The following DOCK5 variants were observed in gnomAD, a reference collection of about 807,000 sequenced individuals.
DOCK5 encodes the protein dedicator of cytokinesis protein 5.
A neutral mutation model predicts 251.8 loss-of-function variants in DOCK5; 142 were observed. The observed-to-expected ratio is 0.56, with a 90% CI of 0.49 to 0.65. The LOEUF (loss-of-function observed/expected upper bound fraction) is 0.65, where lower values mean the gene tolerates loss of function less well. DOCK5 is among the 30% of genes least tolerant of loss of function. DOCK5 has a pLI of 0.00. For synonymous variants in DOCK5, 842 were observed against 835.5 expected (o/e 1.01, Z -0.13); for missense variants, 2,111 against 2,312.3 (o/e 0.91, Z 1.79).
chr8:25,298,907 A>T (rs1428617284), intron 7 of DOCK5, 37 bp from the exon 8 acceptor site: 1 of 1,554,034 alleles, frequency 6.4e-7, no homozygotes, highest in Non-Finnish European at 8.7e-7. Flanking sequence ...CCATTTGCCA[A>T]AATCAAGATG....
intron 15 of DOCK5, among the ~76,000 whole-genome samples, chr8:25,320,141 A>G (rs1264811201): frequency 1.3e-5 from 2 of 152,320 alleles, no homozygotes; most frequent in African/African-American, 2.4e-5. Flanking sequence ...CTTTCATATT[A>G]GGTACTGAAG....
intron 39 of DOCK5, among the ~76,000 whole-genome samples, chr8:25,380,820 T>C (rs545527937): frequency 1.2e-4 from 18 of 150,052 alleles, no homozygotes; most frequent in African/African-American, 2.7e-4. Flanking sequence ...TTCTGAAAGC[T>C]CAGTGGAGGC....
In DOCK5 at chr8:25,345,492, C is replaced by T. The variant is rs766344536; in HGVS notation, c.2635C>T (p.Leu879=). 1.2e-6 allele frequency: 2 copies of T among 1,613,808 alleles called. No homozygotes were observed. Among genetic ancestry groups the T allele is most frequent in the Admixed American group, 1.7e-5 (1 of 60,020 alleles). The change falls in exon 26 of 52, where the codon CTG becomes TTG. Residue 879 remains leucine, a synonymous_variant. Coordinates refer to ENST00000276440, the MANE Select transcript of DOCK5 (RefSeq NM_024940.8). The part of the protein sequence containing the change: ...FRQSECREVL[L]PLLTDQLSGQ... ...CTTCTCAGAGTGCAGAGAAGTGCTG[C>T]TGCCACTGCTGACAGACCAGCTCAG...
rs1325874331 is a variant in DOCK5, at chr8:25,292,078, G to A, written c.376G>A (p.Glu126Lys). 13 of 1,599,884 alleles carry A rather than the reference G, an allele frequency of 8.1e-6. No individual in the cohort carries two copies. The highest frequency in any genetic ancestry group is 1.3e-5 in the African/African-American group (1 of 74,558). ...QLQQMTYSLI[E>K]WRSQILSGTL... ...GCAGCAGATGACGTACAGCCTGATCGAGTGGCGGTCCCAGATCCTGTCTGG... is the reference window on the plus strand; with the variant it reads ...GCAGCAGATGACGTACAGCCTGATCAAGTGGCGGTCCCAGATCCTGTCTGG... The change falls in exon 6 of 52, where the codon GAG (glutamate) becomes AAG (lysine). Residue 126 changes from glutamate to lysine, a missense_variant. By Grantham distance (56) the Glu-to-Lys change is moderately conservative (BLOSUM62 1). Around this residue, in one of 3 missense-constraint regions of DOCK5, gnomAD observed 335 missense variants for 324.9 expected, o/e 1.03. Transcript: ENST00000276440.
intron 2 of DOCK5, among the ~76,000 whole-genome samples, chr8:25,252,885 G>A (rs983948557): frequency 5.9e-5 from 9 of 152,140 alleles, no homozygotes; most frequent in African/African-American, 2.2e-4. Context: ...AGGCTGGAGT[G>A]CAGTGGTGCA....
At chr8:25,346,041 G>A (rs1286138813) in intron 26 of DOCK5, among the ~76,000 whole-genome samples, 2 of 152,086 alleles carry the variant, frequency 1.3e-5, no homozygotes, top group Non-Finnish European at 2.9e-5. Flanking sequence ...TAGTAGAGAC[G>A]GGGTTTCACT....
At chr8:25,401,830 C>T in intron 47 of DOCK5, among the ~76,000 whole-genome samples, 1 of 152,148 alleles carries the variant, frequency 6.6e-6, no homozygotes. Flanking sequence ...TACATTTTTT[C>T]CTAATCTTAG....
At chr8:25,262,670 T>G (rs1174274659) in intron 2 of DOCK5, among the ~76,000 whole-genome samples, 1 of 152,180 alleles carries the variant, frequency 6.6e-6, no homozygotes, top group African/African-American at 2.4e-5. Flanking sequence ...TTCAGAAGTC[T>G]TTCAACTCTT....
chr8:25,221,598 TGCCCG>T (rs547520759), intron 1 of DOCK5, among the ~76,000 whole-genome samples: 129 of 152,306 alleles, frequency 8.5e-4, no homozygotes, highest in African/African-American at 3.0e-3. Flanking sequence ...TGAGCCACTG[TGCCCG>T]GCCCATTCTG....
At chr8:25,348,212 T>G (rs563964836) in intron 26 of DOCK5, among the ~76,000 whole-genome samples, 4 of 152,332 alleles carry the variant, frequency 2.6e-5, no homozygotes, top group Admixed American at 2.6e-4. Flanking sequence ...GTTTTATTTT[T>G]TTAAACATTG....
At chr8:25,399,677 G>A (rs1192165526) in intron 45 of DOCK5, among the ~76,000 whole-genome samples, 4 of 152,162 alleles carry the variant, frequency 2.6e-5, no homozygotes, top group Non-Finnish European at 2.9e-5. Context: ...GTGGTGGGCT[G>A]GTGACTGTTA....
At chr8:25,248,382 C>T (rs1018239333) in intron 2 of DOCK5, among the ~76,000 whole-genome samples, 22 of 152,258 alleles carry the variant, frequency 1.4e-4, no homozygotes, top group African/African-American at 4.6e-4. Context: ...TCCCTCTTAA[C>T]TTTAGAAAAA....
In DOCK5 at chr8:25,324,012, C is replaced by T. The variant is rs193033867; in HGVS notation, c.1719+61C>T. 6,462 of 1,453,800 alleles carry T rather than the reference C, an allele frequency of 4.4e-3. 51 individuals carry two copies. Among genetic ancestry groups the T allele is most frequent in the Non-Finnish European group, 3.8e-3 (4,067 of 1,081,936 alleles). 90.1% of individuals were successfully genotyped at this position (1,453,800 alleles called of 1,614,324 possible). ...CCTTTCAAATGAGCATTTAAGACTCCTTTCATATTTATTTGTACAAACATC... is the reference window on the plus strand; with the variant it reads ...CCTTTCAAATGAGCATTTAAGACTCTTTTCATATTTATTTGTACAAACATC... On this transcript the variant is annotated intron_variant, in intron 17 of 51. Coordinates refer to ENST00000276440, the MANE Select transcript of DOCK5 (RefSeq NM_024940.8).
chr8:25,309,558 C>G (rs1431819329), intron 12 of DOCK5, among the ~76,000 whole-genome samples: 1 of 152,126 alleles, frequency 6.6e-6, no homozygotes, highest in Admixed American at 6.5e-5. Flanking sequence ...ATAAGTTTAT[C>G]CCATCACATT....
chr8:25,222,294 T>C (rs1447986098), intron 1 of DOCK5, among the ~76,000 whole-genome samples: 1 of 152,196 alleles, frequency 6.6e-6, no homozygotes, highest in Non-Finnish European at 1.5e-5. Flanking sequence ...CAGACCATAC[T>C]CTTGAGGGCC....
At chr8:25,317,918 T>A (rs1437028995) in intron 14 of DOCK5, among the ~76,000 whole-genome samples, 1 of 151,724 alleles carries the variant, frequency 6.6e-6, no homozygotes, top group Non-Finnish European at 1.5e-5. Context: ...GCCTACTCTT[T>A]AGTTTTAATG....
intron 40 of DOCK5, 41 bp from the exon 41 acceptor site, chr8:25,389,050 C>T: frequency 6.2e-7 from 1 of 1,602,996 alleles, no homozygotes; most frequent in Non-Finnish European, 8.5e-7. Context: ...CCTCTCCACT[C>T]TTCCTATGTA....
Position 25,201,043 on chromosome 8 carries a change from A to G in DOCK5, c.43+16092A>G, listed in dbSNP as rs571631986. Among the ~76,000 whole-genome samples the G allele has an allele frequency of 2.0e-5, 3 of 152,220 alleles. No homozygotes were observed. The South Asian group carries it at 6.2e-4, about 32-fold the overall frequency. Reference sequence around the variant, plus strand: ...TGCCTCAGCCTCCTGAGTAGCTGGGATTACAGGTGCATGCCACCATGCCCG... The same window carrying G: ...TGCCTCAGCCTCCTGAGTAGCTGGGGTTACAGGTGCATGCCACCATGCCCG... On this transcript the variant is annotated intron_variant, in intron 1 of 51. Coordinates refer to ENST00000276440, the MANE Select transcript of DOCK5 (RefSeq NM_024940.8).
intron 28 of DOCK5, among the ~76,000 whole-genome samples, chr8:25,361,478 A>G (rs1417649945): frequency 6.6e-6 from 1 of 151,996 alleles, no homozygotes; most frequent in African/African-American, 2.4e-5. Flanking sequence ...CCCAGGGGTG[A>G]TGGCAGACAC....
Sources: gnomAD v4.1 joint callset for allele counts (sites outside exome capture counted in the v4.1 genomes callset) on GRCh38, gnomAD v4.1.1 for gene constraint, gnomAD v4.1.1 regional missense constraint, MANE v1.5 for transcripts, NCBI Gene and HGNC (gene_info 2026-07-23, HGNC 2026-07-21) for gene names.